Variants in KMO observed in about 807,000 individuals in gnomAD.
KMO encodes kynurenine 3-monooxygenase.
A neutral mutation model predicts 57.8 loss-of-function variants in KMO; 24 were observed. That is an observed-to-expected ratio of 0.42 (90% CI 0.30 to 0.58). The LOEUF is 0.58. Ranked by LOEUF, KMO falls within the 20% of genes least tolerant of loss-of-function variation. KMO has a pLI of 0.22. For synonymous variants in KMO, 210 were observed against 193.6 expected, an observed-to-expected ratio of 1.08 and a Z score of -0.70; for missense variants, 483 against 588.2, an observed-to-expected ratio of 0.82 and a Z score of 1.85.
At chr1:241,537,651 G>A (rs989514885) in intron 1 of KMO, among the ~76,000 whole-genome samples, 1 of 152,122 alleles carries the variant, frequency 6.6e-6, no homozygotes, top group Non-Finnish European at 1.5e-5. Flanking sequence ...AGAAAAAGAG[G>A]TTTAATGGAC....
chr1:241,548,283 A>T (rs1009155132), intron 1 of KMO, among the ~76,000 whole-genome samples: 23 of 152,160 alleles, frequency 1.5e-4, no homozygotes, highest in Non-Finnish European at 2.4e-4. Context: ...AACTTAAAAA[A>T]TTTTTAATGG....
intron 4 of KMO, among the ~76,000 whole-genome samples, chr1:241,554,579 T>A (rs1661537788): frequency 1.3e-5 from 2 of 151,870 alleles, no homozygotes; most frequent in African/African-American, 4.8e-5. Flanking sequence ...TGGCCACTTT[T>A]TTCCTCCTGA....
In KMO at chr1:241,593,676, G is replaced by A. The variant is rs550676011; in HGVS notation, c.*1523G>A. On this transcript the variant is annotated 3_prime_UTR_variant, in exon 15 of 15. Transcript: ENST00000366559. Reference sequence around the variant, plus strand: ...ATATGTGGGAAATACAGGGGAATGAGCAAATCTCAAAGAGCTGGCGTCTTA... The same window carrying A: ...ATATGTGGGAAATACAGGGGAATGAACAAATCTCAAAGAGCTGGCGTCTTA... 4.8e-5 allele frequency: 8 copies of A among 167,380 alleles called. No homozygotes were observed. In the South Asian group the frequency reaches 1.0e-3, roughly 21 times the overall value. 10.4% of individuals were successfully genotyped at this position (167,380 alleles called of 1,614,324 possible).
Position 241,564,972 on chromosome 1 carries a change from T to A in KMO, c.616-15T>A, listed in dbSNP as rs1289454696. 1 of 1,557,110 alleles carries A rather than the reference T, an allele frequency of 6.4e-7. No individual in the cohort carries two copies. The highest frequency in any genetic ancestry group is 8.9e-7 in the Non-Finnish European group (1 of 1,129,196). On this transcript the variant is annotated splice_polypyrimidine_tract_variant and intron_variant, in intron 7 of 14. Transcript: ENST00000366559. ...TATGAATGCACTAATCAATCATATA[T>A]TCTTTTTTCTGCAGTATGCCATGGA...
At chr1:241,547,359 G>A (rs530438777) in intron 1 of KMO, among the ~76,000 whole-genome samples, 1 of 151,994 alleles carries the variant, frequency 6.6e-6, no homozygotes, top group South Asian at 2.1e-4. Context: ...ACACAGAATG[G>A]AAGATATTTT....
chr1:241,542,442 A>C (rs36047977), intron 1 of KMO, among the ~76,000 whole-genome samples: 44,517 of 152,180 alleles, frequency 0.29, 7,606 homozygotes, highest in Non-Finnish European at 0.39. Flanking sequence ...TAACCAAGGA[A>C]TGTCCTCAAA....
intron 11 of KMO, 24 bp downstream of exon 11, chr1:241,586,760 T>C (rs16841866): frequency 0.011 from 17,678 of 1,550,938 alleles, 263 homozygotes; most frequent in East Asian, 0.069. Context: ...ATTTCTCAAC[T>C]GGACATGTAC....
At chr1:241,570,908 T>A (rs1202029290) in intron 10 of KMO, among the ~76,000 whole-genome samples, 4 of 152,150 alleles carry the variant, frequency 2.6e-5, no homozygotes, top group Non-Finnish European at 5.9e-5. Flanking sequence ...ATCCTTCTAA[T>A]CCATGAGCAT....
chr1:241,568,949 T>C (rs535722817), intron 10 of KMO, among the ~76,000 whole-genome samples: 1 of 152,284 alleles, frequency 6.6e-6, no homozygotes, highest in East Asian at 1.9e-4. Context: ...ATGTCCCTGT[T>C]GTAAAATGGC....
At chr1:241,572,325 AG>A (rs1401118056) in intron 10 of KMO, among the ~76,000 whole-genome samples, 1 of 152,080 alleles carries the variant, frequency 6.6e-6, no homozygotes, top group Non-Finnish European at 1.5e-5. Context: ...GTATGTGTCT[AG>A]GACTTTATTC....
In KMO at chr1:241,592,800, C is replaced by CTATCTA. The variant is rs1558435037; in HGVS notation, c.*650_*651insCTATAT. 2 of 98,854 alleles carry CTATCTA rather than the reference C, an allele frequency of 2.0e-5. No homozygotes were observed. The highest frequency in any genetic ancestry group is 6.8e-5 in the African/African-American group (2 of 29,286). 6.1% of individuals were successfully genotyped at this position (98,854 alleles called of 1,614,324 possible). A position where few individuals can be genotyped will look rare whatever the true frequency, so the allele number is the denominator to read the frequency against. Reference sequence around the variant, plus strand: ...TATCTATCTATCTATCTATCTATCTCTATTTATTTATGTATTTAGAGATCA... The same window carrying CTATCTA: ...TATCTATCTATCTATCTATCTATCTCTATCTATATTTATTTATGTATTTAGAGATCA... On this transcript the variant is annotated 3_prime_UTR_variant, in exon 15 of 15. Coordinates refer to ENST00000366559, the MANE Select transcript of KMO (RefSeq NM_003679.5).
intron 10 of KMO, among the ~76,000 whole-genome samples, chr1:241,582,844 G>A (rs550116793): frequency 1.1e-4 from 16 of 152,152 alleles, no homozygotes; most frequent in Non-Finnish European, 2.4e-4. Flanking sequence ...TGATATCTGG[G>A]TGTTGAAGAA....
In KMO at chr1:241,568,625, T is replaced by A; in HGVS notation, c.935T>A (p.Phe312Tyr). The change falls in exon 10 of 15, where the codon TTT becomes TAT. Residue 312 changes from phenylalanine to tyrosine, a missense_variant. This residue lies in a region of KMO where 410 missense variants were observed against 492.3 expected (regional missense o/e 0.83). Coordinates refer to ENST00000366559, the MANE Select transcript of KMO (RefSeq NM_003679.5). The stretch of plus-strand genomic sequence containing the variant: ...GATGCAGCTCATGCTATAGTGCCGT[T>A]TTTTGGGCAAGGAATGAATGCGGTA... Reference protein sequence around the residue: ...LGDAAHAIVPFFGQGMNAGFE... With the variant: ...LGDAAHAIVPYFGQGMNAGFE... 1 of 1,613,496 alleles carries A rather than the reference T, an allele frequency of 6.2e-7. No homozygotes were observed. Among genetic ancestry groups the A allele is most frequent in the South Asian group, 1.1e-5 (1 of 91,040 alleles).
chr1:241,558,773 T>C (rs1355065518), intron 5 of KMO, among the ~76,000 whole-genome samples: 5 of 53,864 alleles, frequency 9.3e-5, no homozygotes, highest in African/African-American at 2.3e-4. Flanking sequence ...ATGCTAACCA[T>C]GTTAAAAAAA....
intron 1 of KMO, among the ~76,000 whole-genome samples, chr1:241,539,383 C>CAAAAAAAAAAAAAAAAAAAAAAAA (rs769776691): frequency 2.2e-5 from 3 of 134,912 alleles, no homozygotes; most frequent in Admixed American, 7.4e-5. Flanking sequence ...GACTCCGTCT[C>CAAAAAAAAAAAAAAAAAAAAAAAA]AAAAAAATTC....
Position 241,567,934 on chromosome 1 carries a change from G to A in KMO, c.810-566G>A, listed in dbSNP as rs148376828. 5.3e-3 allele frequency among the ~76,000 whole-genome samples: 802 copies of A among 152,152 alleles called. 24 individuals carry two copies. Among genetic ancestry groups the A allele is most frequent in the Admixed American group, 0.048 (732 of 15,286 alleles). On this transcript the variant is annotated intron_variant, in intron 9 of 14. Transcript: ENST00000366559. ...TTCTACAGATGCTTTACAAATATTA[G>A]GGTTTTTGTTTGTTTTTTATTATAA...
At chr1:241,576,900 T>A (rs1573932003) in intron 10 of KMO, among the ~76,000 whole-genome samples, 1 of 152,156 alleles carries the variant, frequency 6.6e-6, no homozygotes, top group African/African-American at 2.4e-5. Flanking sequence ...TTTTACATAA[T>A]CCCATATTTC....
At chr1:241,591,169 G>T (rs1227920131) in intron 14 of KMO, among the ~76,000 whole-genome samples, 1 of 152,140 alleles carries the variant, frequency 6.6e-6, no homozygotes. Context: ...TCTAAAAGGG[G>T]AAAAGATACC....
chr1:241,546,354 T>C (rs1305154570), intron 1 of KMO, among the ~76,000 whole-genome samples: 1 of 152,212 alleles, frequency 6.6e-6, no homozygotes, highest in African/African-American at 2.4e-5. Flanking sequence ...TGGCTCCAAA[T>C]GCCAGGTCAT....
Sources: allele counts gnomAD v4.1 joint callset (sites outside exome capture counted in the v4.1 genomes callset), GRCh38; gene constraint gnomAD v4.1.1; regional missense constraint gnomAD v4.1.1; transcripts MANE v1.5; gene names NCBI Gene and HGNC (gene_info 2026-07-23, HGNC 2026-07-21).